The following KLF12 variants were observed in gnomAD, a reference collection of about 807,000 sequenced individuals.
KLF12 encodes KLF transcription factor 12.
In KLF12, 9 loss-of-function variants were observed where a neutral mutation model predicts 37.8. The ratio of observed to expected loss-of-function variants is 0.24; its 90% CI spans 0.14 to 0.42. The LOEUF is 0.42. Ranked by LOEUF, KLF12 falls within the 10% of genes least tolerant of loss-of-function variation. The pLI, the probability that KLF12 is intolerant of heterozygous loss-of-function variation, is 1.00. For missense variants in KLF12, 411 were observed against 516.0 expected (o/e 0.80, Z 1.97); for synonymous variants, 208 against 202.1 (o/e 1.03, Z -0.25).
At chr13:73,972,297 A>G (rs2138113172) in intron 2 of KLF12, among the ~76,000 whole-genome samples, 1 of 152,286 alleles carries the variant, frequency 6.6e-6, no homozygotes, top group East Asian at 1.9e-4. Flanking sequence ...TTATCCTAAT[A>G]CATTTTCACT....
the KLF12 span, among the ~76,000 whole-genome samples, chr13:74,197,530 G>A: frequency 6.6e-6 from 1 of 151,964 alleles, no homozygotes; most frequent in Non-Finnish European, 1.5e-5. Context: ...CTCATACTCA[G>A]TGAATAACTC....
the KLF12 span, among the ~76,000 whole-genome samples, chr13:74,207,908 C>G: frequency 6.6e-6 from 1 of 152,150 alleles, no homozygotes; most frequent in South Asian, 2.1e-4. Flanking sequence ...CTATGCTACT[C>G]TGCTGCTCTA....
chr13:73,780,747 C>T (rs957219803), intron 5 of KLF12, among the ~76,000 whole-genome samples: 1 of 152,220 alleles, frequency 6.6e-6, no homozygotes, highest in African/African-American at 2.4e-5. Context: ...CAGGCGTGAG[C>T]CACCGCGCCC....
chr13:73,886,914 C>T (rs1887248713), intron 3 of KLF12, among the ~76,000 whole-genome samples: 1 of 151,428 alleles, frequency 6.6e-6, no homozygotes. Context: ...ATGGCTTGGA[C>T]CCGGGAGGCG....
intron 3 of KLF12, among the ~76,000 whole-genome samples, chr13:73,937,046 C>G (rs1889966722): frequency 6.6e-6 from 1 of 152,076 alleles, no homozygotes; most frequent in African/African-American, 2.4e-5. Context: ...AAAAATTAGC[C>G]AGGCATGGTG....
chr13:74,199,185 A>T, the KLF12 span, among the ~76,000 whole-genome samples: 3 of 152,310 alleles, frequency 2.0e-5, no homozygotes, highest in Non-Finnish European at 4.4e-5. Context: ...TAGCCCTGAG[A>T]TGCCTTCTAA....
chr13:73,974,128 G>A (rs1891431028), intron 2 of KLF12, among the ~76,000 whole-genome samples: 1 of 152,060 alleles, frequency 6.6e-6, no homozygotes, highest in Non-Finnish European at 1.5e-5. Flanking sequence ...AAAGAACAAA[G>A]AGAGCCTGAA....
At chr13:74,272,834 A>AG in the KLF12 span, among the ~76,000 whole-genome samples, 3 of 152,158 alleles carry the variant, frequency 2.0e-5, no homozygotes, top group Non-Finnish European at 4.4e-5. Flanking sequence ...GAAGCCAAGG[A>AG]GGGGTCTGAT....
chr13:74,282,891 G>T, the KLF12 span, among the ~76,000 whole-genome samples: 1 of 152,100 alleles, frequency 6.6e-6, no homozygotes. Flanking sequence ...CATGATTCAT[G>T]AAGTATTTTA....
At chr13:73,957,480 A>G (rs911453066) in intron 2 of KLF12, among the ~76,000 whole-genome samples, 2 of 152,192 alleles carry the variant, frequency 1.3e-5, no homozygotes, top group African/African-American at 2.4e-5. Flanking sequence ...GACATGGCCA[A>G]TGAGGATCTA....
the KLF12 span, among the ~76,000 whole-genome samples, chr13:74,149,241 G>A: frequency 2.6e-5 from 4 of 152,088 alleles, no homozygotes; most frequent in Non-Finnish European, 5.9e-5. Flanking sequence ...CTTAACTGTA[G>A]ATTTATATAT....
At chr13:73,726,716 C>T (rs988964098) in intron 6 of KLF12, among the ~76,000 whole-genome samples, 2 of 152,170 alleles carry the variant, frequency 1.3e-5, no homozygotes, top group African/African-American at 4.8e-5. Context: ...GTTGATTCCA[C>T]TTTTTGGCTA....
intron 1 of KLF12, among the ~76,000 whole-genome samples, chr13:74,023,633 T>C (rs1371284055): frequency 1.3e-5 from 2 of 152,240 alleles, no homozygotes; most frequent in Admixed American, 6.5e-5. Context: ...CCTATGTGTG[T>C]GTCTTCTTAG....
At chr13:73,954,027 A>G (rs1173713856) in intron 2 of KLF12, among the ~76,000 whole-genome samples, 7 of 125,834 alleles carry the variant, frequency 5.6e-5, no homozygotes, top group Non-Finnish European at 1.1e-4. Flanking sequence ...TGCCCAGGCT[A>G]GAGTGCAGTG....
intron 5 of KLF12, among the ~76,000 whole-genome samples, chr13:73,797,768 T>TCA (rs1882065255): frequency 1.8e-5 from 1 of 56,114 alleles, no homozygotes; most frequent in Admixed American, 2.8e-4. Flanking sequence ...AGATCCTGTC[T>TCA]CAAAAAAAAA....
the KLF12 span, among the ~76,000 whole-genome samples, chr13:74,183,518 AT>A: frequency 9.2e-5 from 14 of 151,904 alleles, no homozygotes; most frequent in South Asian, 1.0e-3. Flanking sequence ...ATCACAAGGA[AT>A]TTTTTTTTCT....
chr13:74,166,045 G>A, the KLF12 span, among the ~76,000 whole-genome samples: 11 of 150,714 alleles, frequency 7.3e-5, no homozygotes, highest in Non-Finnish European at 1.3e-4. Context: ...GTTAGTTCAG[G>A]ATGGATCGAT....
chr13:74,109,510 T>C (rs796983014), intron 1 of KLF12, among the ~76,000 whole-genome samples: 22 of 152,260 alleles, frequency 1.4e-4, no homozygotes, highest in African/African-American at 5.1e-4. Flanking sequence ...CTGTAAGAAG[T>C]ACTCTAGAAC....
intron 4 of KLF12, among the ~76,000 whole-genome samples, chr13:73,813,906 G>C (rs1444682152): frequency 6.6e-6 from 1 of 151,798 alleles, no homozygotes; most frequent in Admixed American, 6.6e-5. Flanking sequence ...CAGTGCTCTT[G>C]AACTCTATCC....
Sources: gnomAD v4.1 joint callset for allele counts (sites outside exome capture counted in the v4.1 genomes callset) on GRCh38, gnomAD v4.1.1 for gene constraint, MANE v1.5 for transcripts, NCBI Gene and HGNC (gene_info 2026-07-23, HGNC 2026-07-21) for gene names.